The following SH3GL2 variants were observed in gnomAD, a reference collection of about 807,000 sequenced individuals.
The protein encoded by SH3GL2 is SH3 domain containing GRB2 like 2, endophilin A1.
SH3GL2 carries 24 observed loss-of-function variants against 46.0 expected under a neutral mutation model. The ratio of observed to expected loss-of-function variants is 0.52; its 90% CI spans 0.38 to 0.73. SH3GL2 has a LOEUF of 0.73. Ranked by LOEUF, SH3GL2 falls within the 30% of genes least tolerant of loss-of-function variation. The pLI, the probability that SH3GL2 is intolerant of heterozygous loss-of-function variation, is 0.00. For missense variants in SH3GL2, 413 were observed against 424.2 expected (o/e 0.97, Z 0.23); for synonymous variants, 196 against 147.1 (o/e 1.33, Z -2.40).
At chr9:17,741,258 A>T (rs1410868728) in intron 1 of SH3GL2, among the ~76,000 whole-genome samples, 4 of 152,222 alleles carry the variant, frequency 2.6e-5, no homozygotes, top group Non-Finnish European at 5.9e-5. Context: ...TATCAAATGT[A>T]TGTGGGTATA....
intron 1 of SH3GL2, among the ~76,000 whole-genome samples, chr9:17,643,960 C>T (rs544242339): frequency 2.0e-5 from 3 of 152,262 alleles, no homozygotes; most frequent in African/African-American, 7.2e-5. Context: ...TTCGTCTGGT[C>T]CTGGGCTTTT....
At chr9:17,621,435 A>G (rs377013004) in intron 1 of SH3GL2, among the ~76,000 whole-genome samples, 45 of 152,330 alleles carry the variant, frequency 3.0e-4, no homozygotes, top group African/African-American at 1.1e-3. Context: ...CCTTCATTCA[A>G]TTCCTGCTTT....
chr9:17,660,773 T>C (rs138962351), intron 1 of SH3GL2, among the ~76,000 whole-genome samples: 2 of 152,282 alleles, frequency 1.3e-5, no homozygotes, highest in East Asian at 3.9e-4. Flanking sequence ...ACACGCAAAC[T>C]TCCATGGGGT....
At chr9:17,663,475 A>T (rs148295866) in intron 1 of SH3GL2, among the ~76,000 whole-genome samples, 11 of 152,350 alleles carry the variant, frequency 7.2e-5, no homozygotes, top group Admixed American at 2.0e-4. Context: ...GATTAATTTT[A>T]CAAAAGATGT....
intron 1 of SH3GL2, among the ~76,000 whole-genome samples, chr9:17,594,529 T>C (rs1818537660): frequency 6.6e-6 from 1 of 151,992 alleles, no homozygotes; most frequent in African/African-American, 2.4e-5. Context: ...GGCTAATGCA[T>C]GTGGGGCTTA....
At chr9:17,786,960 C>A (rs898066414) in intron 4 of SH3GL2, among the ~76,000 whole-genome samples, 1 of 152,184 alleles carries the variant, frequency 6.6e-6, no homozygotes, top group African/African-American at 2.4e-5. Context: ...TTTATTCCTT[C>A]ACCCTGTCTC....
intron 1 of SH3GL2, among the ~76,000 whole-genome samples, chr9:17,718,475 C>G (rs767272851): frequency 1.3e-5 from 2 of 152,106 alleles, no homozygotes; most frequent in African/African-American, 4.8e-5. Flanking sequence ...GTAATTGCCA[C>G]ACTTTGGGAC....
At chr9:17,605,721 A>G (rs954292119) in intron 1 of SH3GL2, among the ~76,000 whole-genome samples, 4 of 152,334 alleles carry the variant, frequency 2.6e-5, no homozygotes, top group Non-Finnish European at 5.9e-5. Flanking sequence ...TGAAAAATAC[A>G]TAATAAACTG....
chr9:17,617,486 C>T (rs1295808278), intron 1 of SH3GL2, among the ~76,000 whole-genome samples: 1 of 152,142 alleles, frequency 6.6e-6, no homozygotes, highest in Non-Finnish European at 1.5e-5. Flanking sequence ...TTCCTTGGAG[C>T]TTCCTAAAAT....
intron 1 of SH3GL2, among the ~76,000 whole-genome samples, chr9:17,644,217 C>A (rs1819752215): frequency 6.7e-6 from 1 of 150,088 alleles, no homozygotes; most frequent in African/African-American, 2.5e-5. Context: ...CTATTTGATT[C>A]TTCTCTCTTT....
At chr9:17,701,355 C>G (rs1821339187) in intron 1 of SH3GL2, among the ~76,000 whole-genome samples, 1 of 152,014 alleles carries the variant, frequency 6.6e-6, no homozygotes, top group South Asian at 2.1e-4. Flanking sequence ...AAGAGGGAAA[C>G]CGAAGACCTG....
intron 1 of SH3GL2, among the ~76,000 whole-genome samples, chr9:17,732,532 T>G (rs965470947): frequency 6.2e-4 from 95 of 152,104 alleles, no homozygotes; most frequent in Non-Finnish European, 3.7e-4. Flanking sequence ...ACTCAGAAAG[T>G]TTGTAGAGGC....
intron 1 of SH3GL2, among the ~76,000 whole-genome samples, chr9:17,702,228 C>G (rs2118210218): frequency 6.6e-6 from 1 of 152,092 alleles, no homozygotes; most frequent in Non-Finnish European, 1.5e-5. Flanking sequence ...ATCCATAATT[C>G]ACATTGGCAG....
chr9:17,612,805 A>G (rs1162805289), intron 1 of SH3GL2, among the ~76,000 whole-genome samples: 3 of 152,198 alleles, frequency 2.0e-5, no homozygotes, highest in Non-Finnish European at 2.9e-5. Context: ...AAGAAACCCC[A>G]TACCTATAAG....
chr9:17,674,044 A>C lies in SH3GL2; in HGVS notation c.46-73022A>C, dbSNP rs141132890. Reference sequence around the variant, plus strand: ...CTTTCCTTGTGTGGCTCTTGAAATCATTATGAATTGATCTGAGCACTTCCT... The same window carrying C: ...CTTTCCTTGTGTGGCTCTTGAAATCCTTATGAATTGATCTGAGCACTTCCT... On this transcript the variant is annotated intron_variant, in intron 1 of 8. Coordinates refer to ENST00000380607, the MANE Select transcript of SH3GL2 (RefSeq NM_003026.5). 5.5e-3 allele frequency among the ~76,000 whole-genome samples: 834 copies of C among 152,286 alleles called. 2 individuals are homozygous for C. The highest frequency in any genetic ancestry group is 8.7e-3 in the Non-Finnish European group (593 of 68,014).
intron 1 of SH3GL2, among the ~76,000 whole-genome samples, chr9:17,737,929 T>G (rs1822390535): frequency 6.6e-6 from 1 of 152,130 alleles, no homozygotes; most frequent in African/African-American, 2.4e-5. Flanking sequence ...TCATCTGGCT[T>G]ACTTACTCCT....
intron 1 of SH3GL2, among the ~76,000 whole-genome samples, chr9:17,599,692 C>T (rs1466730797): frequency 6.6e-6 from 1 of 152,134 alleles, no homozygotes; most frequent in Non-Finnish European, 1.5e-5. Flanking sequence ...GGGACAGATT[C>T]TAGCCAGGCA....
At chr9:17,608,752 G>A (rs1485584818) in intron 1 of SH3GL2, among the ~76,000 whole-genome samples, 1 of 152,200 alleles carries the variant, frequency 6.6e-6, no homozygotes, top group Non-Finnish European at 1.5e-5. Flanking sequence ...TAAAAACAAG[G>A]AAGTTATGAA....
At chr9:17,676,849 T>C (rs1820624817) in intron 1 of SH3GL2, among the ~76,000 whole-genome samples, 1 of 152,190 alleles carries the variant, frequency 6.6e-6, no homozygotes, top group South Asian at 2.1e-4. Context: ...CTCTAGTTTC[T>C]TTTTGTCCTT....
Sources: gnomAD v4.1 joint callset for allele counts (sites outside exome capture counted in the v4.1 genomes callset) on GRCh38, gnomAD v4.1.1 for gene constraint, MANE v1.5 for transcripts, NCBI Gene and HGNC (gene_info 2026-07-23, HGNC 2026-07-21) for gene names.